TFG: variants seen among roughly 807,000 people sequenced by gnomAD.
TFG encodes protein TFG.
TFG carries 22 observed loss-of-function variants against 51.4 expected under a neutral mutation model. That is an observed-to-expected ratio of 0.43 (90% CI 0.31 to 0.61). The LOEUF (loss-of-function observed/expected upper bound fraction) is 0.61, where lower values mean the gene tolerates loss of function less well. TFG is among the 20% of genes least tolerant of loss of function. The pLI is 0.12. For synonymous variants in TFG, 187 were observed against 165.6 expected, an observed-to-expected ratio of 1.13 and a Z score of -0.99; for missense variants, 419 against 487.7, an observed-to-expected ratio of 0.86 and a Z score of 1.33.
chr3:100,742,190 G>T (rs538453943), intron 6 of TFG, among the ~76,000 whole-genome samples: 26 of 152,186 alleles, frequency 1.7e-4, no homozygotes, highest in African/African-American at 6.3e-4. Flanking sequence ...CTTGAATGAG[G>T]TGGGTTTAAA....
At chr3:100,723,416 A>G (rs2095066248) in intron 3 of TFG, among the ~76,000 whole-genome samples, 1 of 152,150 alleles carries the variant, frequency 6.6e-6, no homozygotes, top group Admixed American at 6.5e-5. Flanking sequence ...CAGAATACTA[A>G]TCACAGTACA....
intron 3 of TFG, among the ~76,000 whole-genome samples, chr3:100,724,207 C>G (rs1428752753): frequency 6.6e-6 from 1 of 152,006 alleles, no homozygotes; most frequent in African/African-American, 2.4e-5. Context: ...GGACAAACCT[C>G]AAATAACTTG....
At chr3:100,733,698 C>A (rs1296813534) in intron 5 of TFG, among the ~76,000 whole-genome samples, 1 of 152,038 alleles carries the variant, frequency 6.6e-6, no homozygotes, top group Non-Finnish European at 1.5e-5. Flanking sequence ...ACTAGACATT[C>A]TGGTTAATAT....
chr3:100,713,592 C>A (rs2095036965), intron 1 of TFG, 51 bp from the exon 2 acceptor site: 2 of 877,588 alleles, frequency 2.3e-6, no homozygotes, highest in East Asian at 5.7e-5. Flanking sequence ...GCTTTGCTCT[C>A]AACTTTTACG....
rs1303502875 is a variant in TFG at position 100,713,663 on chromosome 3, T to C, written c.-23T>C. The C allele has an allele frequency of 1.3e-6, 2 of 1,551,752 alleles. No homozygotes were observed. The highest frequency in any genetic ancestry group is 1.8e-5 in the Admixed American group (1 of 54,814). On this transcript the variant is annotated 5_prime_UTR_variant, in exon 2 of 8. Coordinates refer to ENST00000240851, the MANE Select transcript of TFG (RefSeq NM_006070.6). ...ATCAGTCTTTCTCTAGAGTTGTATA[T>C]ATAGAACATCCTGGAGTCCACCATG...
At chr3:100,746,719 A>G (rs1345258396) in intron 7 of TFG, among the ~76,000 whole-genome samples, 1 of 152,122 alleles carries the variant, frequency 6.6e-6, no homozygotes, top group Non-Finnish European at 1.5e-5. Flanking sequence ...TCCCCTAAGC[A>G]ATAATTAAGG....
chr3:100,723,767 C>T (rs2095067204), intron 3 of TFG, among the ~76,000 whole-genome samples: 1 of 151,494 alleles, frequency 6.6e-6, no homozygotes, highest in East Asian at 1.9e-4. Context: ...TATGGGAGAG[C>T]CGATAAATCA....
chr3:100,741,982 T>C (rs1197573069), intron 6 of TFG, among the ~76,000 whole-genome samples: 2 of 151,800 alleles, frequency 1.3e-5, no homozygotes. Flanking sequence ...CAGAACCTAC[T>C]CTTGTCATTA....
chr3:100,722,905 A>G (rs1172613147), intron 3 of TFG, among the ~76,000 whole-genome samples: 1 of 152,178 alleles, frequency 6.6e-6, no homozygotes, highest in Non-Finnish European at 1.5e-5. Context: ...AGGTGGTGAA[A>G]GATGCAAGAA....
rs780113476 is a variant in TFG at position 100,736,557 on chromosome 3, C to T, written c.581-19C>T. ...GGCCTTGTGTTGGATACTAAACTGA[C>T]TTTTTTTTGACTATCCAGGGCCACC... On this transcript the variant is annotated intron_variant, in intron 5 of 7. Transcript: ENST00000240851. 1 of 1,610,578 alleles carries T rather than the reference C, an allele frequency of 6.2e-7. No homozygotes were observed. Among genetic ancestry groups the T allele is most frequent in the South Asian group, 1.1e-5 (1 of 90,656 alleles).
intron 5 of TFG, among the ~76,000 whole-genome samples, chr3:100,735,280 G>A (rs116468556): frequency 0.015 from 2,216 of 152,240 alleles, 51 homozygotes; most frequent in African/African-American, 0.05. Flanking sequence ...GCCTAATACT[G>A]TGGTAAGTTC....
At chr3:100,717,540 G>A (rs2095049534) in intron 2 of TFG, among the ~76,000 whole-genome samples, 1 of 148,146 alleles carries the variant, frequency 6.8e-6, no homozygotes, top group Admixed American at 6.7e-5. Context: ...AGCATGGGAT[G>A]TCATTACATA....
rs150842663 is a variant in TFG, at chr3:100,725,028, C to T, written c.269-3684C>T. On this transcript the variant is annotated intron_variant, in intron 3 of 7. Transcript: ENST00000240851. Reference sequence around the variant, plus strand: ...ACCCCATTCTCCCATCTCAGCTTCCCGAGTAGCTGGGACTACAGGCACCTG... The same window carrying T: ...ACCCCATTCTCCCATCTCAGCTTCCTGAGTAGCTGGGACTACAGGCACCTG... Among the ~76,000 whole-genome samples, 337 of 152,286 alleles carry T rather than the reference C, an allele frequency of 2.2e-3. 1 individual carries two copies. The highest frequency in any genetic ancestry group is 3.9e-3 in the Non-Finnish European group (265 of 68,028).
At chr3:100,740,281 C>A (rs2095117846) in intron 6 of TFG, among the ~76,000 whole-genome samples, 1 of 152,148 alleles carries the variant, frequency 6.6e-6, no homozygotes, top group Non-Finnish European at 1.5e-5. Flanking sequence ...GATTTTGGCT[C>A]AGCATCTCTC....
At position 100,728,960 on chromosome 3, in the gene TFG, C is replaced by T. The variant is rs1053699529; in HGVS notation, c.415+102C>T. 3 of 1,045,176 alleles carry T rather than the reference C, an allele frequency of 2.9e-6. No individual in the cohort carries two copies. The Admixed American group carries it at 8.0e-5, about 28-fold the overall frequency. The allele number at this position is 1,045,176 out of a possible 1,614,324, so 64.7% of individuals were successfully genotyped here. A position where few individuals can be genotyped will look rare whatever the true frequency, so the allele number is the denominator to read the frequency against. On this transcript the variant is annotated intron_variant, in intron 4 of 7. Transcript: ENST00000240851. ...AGGAGAAGGATGGCATCCCCAATGT[C>T]ACTCTTGTTTCTTCCTCTGCCTCTC...
intron 4 of TFG, among the ~76,000 whole-genome samples, chr3:100,731,207 C>T (rs1161367822): frequency 6.6e-6 from 1 of 152,048 alleles, no homozygotes; most frequent in African/African-American, 2.4e-5. Flanking sequence ...TAATCATTGT[C>T]CCTTAATTGA....
At chr3:100,727,282 A>T (rs2095078706) in intron 3 of TFG, among the ~76,000 whole-genome samples, 1 of 152,170 alleles carries the variant, frequency 6.6e-6, no homozygotes, top group African/African-American at 2.4e-5. Flanking sequence ...TTGGAGAAAA[A>T]ACAGTAATAC....
intron 3 of TFG, among the ~76,000 whole-genome samples, chr3:100,721,018 A>G (rs1025636055): frequency 5.7e-4 from 87 of 152,252 alleles, no homozygotes; most frequent in African/African-American, 1.9e-3. Context: ...ATTTGTATCT[A>G]TTTCATCTCC....
At chr3:100,718,522 C>T (rs561840485) in intron 2 of TFG, among the ~76,000 whole-genome samples, 1 of 143,040 alleles carries the variant, frequency 7.0e-6, no homozygotes, top group Non-Finnish European at 1.5e-5. Flanking sequence ...TTGTCTTCCA[C>T]ATTTAGTTAC....
Sources: gnomAD v4.1 joint callset for allele counts (sites outside exome capture counted in the v4.1 genomes callset) on GRCh38, gnomAD v4.1.1 for gene constraint, MANE v1.5 for transcripts, NCBI Gene and HGNC (gene_info 2026-07-23, HGNC 2026-07-21) for gene names.